The following KDM4C variants were observed in gnomAD, a reference collection of about 807,000 sequenced individuals.
KDM4C encodes lysine-specific demethylase 4C.
KDM4C carries 81 observed loss-of-function variants against 129.3 expected under a neutral mutation model. The ratio of observed to expected loss-of-function variants is 0.63; its 90% CI spans 0.52 to 0.75. The LOEUF is 0.75. Ranked by LOEUF, KDM4C falls within the 30% of genes least tolerant of loss-of-function variation. KDM4C has a pLI of 0.00. For missense variants in KDM4C, 1,457 were observed against 1,304.0 expected (o/e 1.12, Z -1.81); for synonymous variants, 573 against 456.1 (o/e 1.26, Z -3.26).
intron 1 of KDM4C, among the ~76,000 whole-genome samples, chr9:6,773,050 A>G (rs1341279948): frequency 6.6e-6 from 1 of 151,168 alleles, no homozygotes; most frequent in Non-Finnish European, 1.5e-5. Flanking sequence ...CTCAGGCTAG[A>G]GTGGAGTGGT....
chr9:6,735,895 G>A (rs149539261), intron 1 of KDM4C, among the ~76,000 whole-genome samples: 12 of 152,254 alleles, frequency 7.9e-5, no homozygotes, highest in African/African-American at 2.9e-4. Flanking sequence ...GGAAAGTTTG[G>A]CACTCCCTAG....
intron 21 of KDM4C, among the ~76,000 whole-genome samples, chr9:7,172,987 G>T (rs1199991895): frequency 6.6e-6 from 1 of 152,232 alleles, no homozygotes; most frequent in East Asian, 1.9e-4. Context: ...GGCTTTATCT[G>T]ATTATCACAG....
chr9:6,935,941 A>T (rs1444859370), intron 8 of KDM4C, among the ~76,000 whole-genome samples: 1 of 152,072 alleles, frequency 6.6e-6, no homozygotes, highest in Non-Finnish European at 1.5e-5. Flanking sequence ...AAACAGTAAG[A>T]GTTTTAAAAT....
intron 19 of KDM4C, among the ~76,000 whole-genome samples, chr9:7,139,680 C>T (rs909013614): frequency 5.3e-5 from 8 of 152,124 alleles, no homozygotes; most frequent in Non-Finnish European, 1.0e-4. Flanking sequence ...ATTTATGTAT[C>T]GCATATGAAT....
rs147641550 is a variant in KDM4C at position 7,127,543 on chromosome 9, A to T, written c.2611-523A>T. The stretch of plus-strand genomic sequence containing the variant: ...CAAAGTAGCACTACCATAAACAAAG[A>T]CAGAGGAAATGGTCCTGATTAAAGA... On this transcript the variant is annotated intron_variant, in intron 18 of 21. Coordinates refer to ENST00000381309, the MANE Select transcript of KDM4C (RefSeq NM_015061.6). Among the ~76,000 whole-genome samples the T allele has an allele frequency of 1.1e-4, 17 of 152,318 alleles. No individual in the cohort carries two copies. In the East Asian group the frequency reaches 3.3e-3, roughly 29 times the overall value.
At chr9:6,952,365 G>A (rs1357669451) in intron 8 of KDM4C, among the ~76,000 whole-genome samples, 1 of 150,868 alleles carries the variant, frequency 6.6e-6, no homozygotes, top group African/African-American at 2.4e-5. Flanking sequence ...AATGTTGTTA[G>A]GCCAATACTT....
chr9:7,081,556 A>G (rs1460073742), intron 17 of KDM4C, among the ~76,000 whole-genome samples: 1 of 152,178 alleles, frequency 6.6e-6, no homozygotes, highest in Non-Finnish European at 1.5e-5. Context: ...TTGACTGAAA[A>G]TGTCTCCAGT....
intron 4 of KDM4C, among the ~76,000 whole-genome samples, chr9:6,846,409 C>T (rs1253306604): frequency 6.6e-6 from 1 of 152,112 alleles, no homozygotes; most frequent in Admixed American, 6.6e-5. Flanking sequence ...TTAATGATAA[C>T]TAGGTGCATT....
At chr9:7,063,384 A>C (rs1251509185) in intron 17 of KDM4C, among the ~76,000 whole-genome samples, 1 of 152,234 alleles carries the variant, frequency 6.6e-6, no homozygotes, top group African/African-American at 2.4e-5. Flanking sequence ...AGGTAAATTC[A>C]TTGCCGATGG....
At chr9:7,113,708 G>A (rs144796328) in intron 18 of KDM4C, among the ~76,000 whole-genome samples, 15 of 152,304 alleles carry the variant, frequency 9.8e-5, no homozygotes, top group East Asian at 5.8e-4. Flanking sequence ...GCTATTCTTC[G>A]TGCTAATGAA....
chr9:6,793,632 C>T (rs1465026957), intron 2 of KDM4C, among the ~76,000 whole-genome samples: 11 of 151,462 alleles, frequency 7.3e-5, no homozygotes, highest in Admixed American at 3.3e-4. Context: ...CTCCACCTCC[C>T]GGGTTCCAGT....
chr9:7,069,466 T>A (rs966564030), intron 17 of KDM4C, among the ~76,000 whole-genome samples: 1 of 152,188 alleles, frequency 6.6e-6, no homozygotes, highest in South Asian at 2.1e-4. Context: ...GAGCCATGAT[T>A]GCACCACTGC....
chr9:6,857,352 C>G (rs1456707501), intron 5 of KDM4C, among the ~76,000 whole-genome samples: 2 of 152,062 alleles, frequency 1.3e-5, no homozygotes, highest in African/African-American at 2.4e-5. Flanking sequence ...GGAAATATAC[C>G]AAAAAGTATG....
chr9:7,113,163 G>A (rs1838520353), intron 18 of KDM4C, among the ~76,000 whole-genome samples: 1 of 152,106 alleles, frequency 6.6e-6, no homozygotes, highest in African/African-American at 2.4e-5. Flanking sequence ...ATACTATAGC[G>A]ATTCAAACCT....
chr9:6,845,769 A>T (rs1453501677), intron 4 of KDM4C, among the ~76,000 whole-genome samples: 4 of 152,218 alleles, frequency 2.6e-5, no homozygotes, highest in Non-Finnish European at 5.9e-5. Context: ...CAGTTAGTCC[A>T]TTGGAAGTCA....
At chr9:6,903,992 C>T (rs1485947836) in intron 8 of KDM4C, among the ~76,000 whole-genome samples, 1 of 152,136 alleles carries the variant, frequency 6.6e-6, no homozygotes, top group African/African-American at 2.4e-5. Context: ...GTAATCCCAG[C>T]ACTTTGAGAG....
chr9:7,043,893 T>G (rs908862796), intron 15 of KDM4C, among the ~76,000 whole-genome samples: 2 of 152,018 alleles, frequency 1.3e-5, no homozygotes, highest in Non-Finnish European at 2.9e-5. Flanking sequence ...TCTTTGCATT[T>G]TATTAATCCT....
chr9:6,840,823 T>C (rs1236610771), intron 4 of KDM4C, among the ~76,000 whole-genome samples: 2 of 152,242 alleles, frequency 1.3e-5, no homozygotes, highest in African/African-American at 4.8e-5. Flanking sequence ...CTCTTGTTTC[T>C]TTCCAATTCT....
chr9:6,925,519 C>A (rs1822326037), intron 8 of KDM4C: 3 of 886,698 alleles, frequency 3.4e-6, no homozygotes, highest in Admixed American at 6.3e-5. Flanking sequence ...TGCTTTCAAT[C>A]TCCTGGCATC....
Sources: gnomAD v4.1 joint callset for allele counts (sites outside exome capture counted in the v4.1 genomes callset) on GRCh38, gnomAD v4.1.1 for gene constraint, MANE v1.5 for transcripts, NCBI Gene and HGNC (gene_info 2026-07-23, HGNC 2026-07-21) for gene names.